Variants in CACNA2D3 observed in about 807,000 individuals in gnomAD.
CACNA2D3 encodes calcium voltage-gated channel auxiliary subunit alpha2delta 3, also known as voltage-dependent calcium channel subunit alpha-2/delta-3.
CACNA2D3 carries 60 observed loss-of-function variants against 160.6 expected under a neutral mutation model. The observed-to-expected ratio is 0.37, with a 90% CI of 0.30 to 0.46. The LOEUF (loss-of-function observed/expected upper bound fraction) is 0.46. Ranked by LOEUF, CACNA2D3 falls within the 20% of genes least tolerant of loss-of-function variation. The pLI is 1.00. For missense variants in CACNA2D3, 1,205 were observed against 1,365.0 expected, an observed-to-expected ratio of 0.88 and a Z score of 1.85; for synonymous variants, 558 against 492.9, an observed-to-expected ratio of 1.13 and a Z score of -1.75.
rs1559563645 is a variant in CACNA2D3 at position 54,736,067 on chromosome 3, ATATATACATATATATGTATG to A, written c.1168-16530_1168-16511del. Among the ~76,000 whole-genome samples the A allele has an allele frequency of 8.8e-4, 24 of 27,218 alleles. 2 individuals carry two copies. The highest frequency in any genetic ancestry group is 1.2e-3 in the African/African-American group (14 of 11,212). The allele number at this position is 27,218 out of a possible 152,430, so 17.9% of individuals were successfully genotyped here. On this transcript the variant is annotated intron_variant, in intron 11 of 37. Transcript: ENST00000474759. ...TATACACATACATATGTATGTATATATATATACATATATATGTATGTGTATATATATACATATATATGTAT... is the reference window on the plus strand; with the variant it reads ...TATACACATACATATGTATGTATATATGTATATATATACATATATATGTAT...
intron 35 of CACNA2D3, among the ~76,000 whole-genome samples, chr3:55,034,059 C>T (rs906677491): frequency 2.6e-5 from 4 of 150,994 alleles, no homozygotes; most frequent in African/African-American, 9.7e-5. Context: ...TTTATCTATA[C>T]ATTAAATTAC....
intron 2 of CACNA2D3, among the ~76,000 whole-genome samples, chr3:54,129,565 T>A (rs1699664735): frequency 6.6e-6 from 1 of 152,228 alleles, no homozygotes. Flanking sequence ...GAAAGCATTA[T>A]CTTTTCACAA....
At chr3:54,687,950 T>C (rs1309881664) in intron 11 of CACNA2D3, among the ~76,000 whole-genome samples, 2 of 152,222 alleles carry the variant, frequency 1.3e-5, no homozygotes, top group East Asian at 1.9e-4. Context: ...AGGTTTTTTT[T>C]GTTTTGTTTT....
intron 4 of CACNA2D3, among the ~76,000 whole-genome samples, chr3:54,491,362 G>A (rs890874830): frequency 6.6e-6 from 1 of 152,214 alleles, no homozygotes; most frequent in African/African-American, 2.4e-5. Context: ...CTTTGCGGTG[G>A]CACCTTGTAT....
At chr3:54,722,923 TA>T (rs1701197447) in intron 11 of CACNA2D3, among the ~76,000 whole-genome samples, 1 of 152,182 alleles carries the variant, frequency 6.6e-6, no homozygotes, top group Non-Finnish European at 1.5e-5. Context: ...TCGAACGCCG[TA>T]CTGGGAGGTC....
At chr3:54,123,672 C>G in intron 2 of CACNA2D3, 78 bp downstream of exon 2, 2 of 1,168,028 alleles carry the variant, frequency 1.7e-6, no homozygotes, top group Non-Finnish European at 2.6e-6. Flanking sequence ...TCCAAACAAA[C>G]GTGAGCCCCG....
chr3:55,026,451 G>A (rs1703564403), intron 35 of CACNA2D3, among the ~76,000 whole-genome samples: 1 of 152,184 alleles, frequency 6.6e-6, no homozygotes, highest in Non-Finnish European at 1.5e-5. Context: ...GTTTGCAGAT[G>A]AGTAACCAGG....
intron 29 of CACNA2D3, among the ~76,000 whole-genome samples, chr3:54,977,918 A>G (rs773340115): frequency 6.6e-6 from 1 of 152,182 alleles, no homozygotes; most frequent in Non-Finnish European, 1.5e-5. Flanking sequence ...ACCCATTTTT[A>G]TCGTTATTTC....
In CACNA2D3 at chr3:54,369,252, A is replaced by G. The variant is rs79577038; in HGVS notation, c.322-17463A>G. ...CAAACAAACAAAAAACTTGTAAAATAATTTAATGACACAAACCTTAAAAAA... is the reference window on the plus strand; with the variant it reads ...CAAACAAACAAAAAACTTGTAAAATGATTTAATGACACAAACCTTAAAAAA... On this transcript the variant is annotated intron_variant, in intron 3 of 37. Transcript: ENST00000474759. Among the ~76,000 whole-genome samples, 1,010 of 152,018 alleles carry G rather than the reference A, an allele frequency of 6.6e-3. 11 individuals carry two copies. The highest frequency in any genetic ancestry group is 0.023 in the African/African-American group (966 of 41,356).
At chr3:54,462,961 G>A (rs1700535930) in intron 4 of CACNA2D3, among the ~76,000 whole-genome samples, 1 of 149,222 alleles carries the variant, frequency 6.7e-6, no homozygotes, top group Non-Finnish European at 1.5e-5. Flanking sequence ...GCTCTTTTAG[G>A]GCAGGCCTGG....
At chr3:54,128,626 A>T (rs966567245) in intron 2 of CACNA2D3, among the ~76,000 whole-genome samples, 1 of 152,160 alleles carries the variant, frequency 6.6e-6, no homozygotes, top group African/African-American at 2.4e-5. Flanking sequence ...ACCCCAGCAC[A>T]TCTCCTCTGT....
intron 4 of CACNA2D3, among the ~76,000 whole-genome samples, chr3:54,449,162 T>C (rs1376798792): frequency 1.3e-5 from 2 of 152,220 alleles, no homozygotes; most frequent in Non-Finnish European, 2.9e-5. Context: ...CAATACGTGT[T>C]CTGCTACTAA....
At chr3:54,311,494 G>A (rs1318444156) in intron 2 of CACNA2D3, among the ~76,000 whole-genome samples, 2 of 152,082 alleles carry the variant, frequency 1.3e-5, no homozygotes, top group Non-Finnish European at 2.9e-5. Context: ...TTTACATCCC[G>A]TGATCCTCTT....
At chr3:54,782,648 G>A (rs565774966) in intron 13 of CACNA2D3, among the ~76,000 whole-genome samples, 1 of 151,948 alleles carries the variant, frequency 6.6e-6, no homozygotes. Context: ...CCTGCTGTAG[G>A]TCGTGTGTCC....
intron 5 of CACNA2D3, among the ~76,000 whole-genome samples, chr3:54,532,341 G>A (rs956928696): frequency 3.9e-5 from 6 of 152,212 alleles, no homozygotes; most frequent in African/African-American, 1.2e-4. Flanking sequence ...TTAACAATAT[G>A]TTAACAAGTA....
At chr3:54,777,137 A>T (rs1447887611) in intron 13 of CACNA2D3, among the ~76,000 whole-genome samples, 2 of 152,190 alleles carry the variant, frequency 1.3e-5, no homozygotes, top group Admixed American at 6.5e-5. Context: ...TCCATGTGAA[A>T]GATTTCATTC....
At chr3:54,318,049 G>A (rs1247853400) in intron 2 of CACNA2D3, among the ~76,000 whole-genome samples, 3 of 152,148 alleles carry the variant, frequency 2.0e-5, no homozygotes, top group African/African-American at 7.2e-5. Context: ...AGAACCATAG[G>A]AAAATGCAGC....
chr3:54,485,637 C>G (rs948632461), intron 4 of CACNA2D3, among the ~76,000 whole-genome samples: 1 of 151,356 alleles, frequency 6.6e-6, no homozygotes, highest in Non-Finnish European at 1.5e-5. Flanking sequence ...GATCTTGGCT[C>G]ATTGCAACCT....
At chr3:54,848,159 T>C (rs1370449564) in intron 17 of CACNA2D3, among the ~76,000 whole-genome samples, 1 of 152,208 alleles carries the variant, frequency 6.6e-6, no homozygotes, top group Non-Finnish European at 1.5e-5. Flanking sequence ...CAGTCTTTTA[T>C]GTCTTCTGGC....
Sources: allele counts gnomAD v4.1 joint callset (sites outside exome capture counted in the v4.1 genomes callset), GRCh38; gene constraint gnomAD v4.1.1; transcripts MANE v1.5; gene names NCBI Gene and HGNC (gene_info 2026-07-23, HGNC 2026-07-21).